Variants in ABCA13 observed in about 807,000 individuals in gnomAD.
ABCA13 encodes the protein ATP-binding cassette sub-family A member 13.
In ABCA13, 476 loss-of-function variants were observed where a neutral mutation model predicts 478.7. The observed-to-expected ratio is 0.99, with a 90% CI of 0.92 to 1.07. ABCA13 has a LOEUF of 1.07. Among genes scored for constraint, ABCA13 ranks in the 50% least tolerant of loss-of-function variants. ABCA13 has a pLI of 0.00. For synonymous variants in ABCA13, 2,252 were observed against 2,158.9 expected (o/e 1.04, Z -1.20); for missense variants, 6,060 against 5,910.6 (o/e 1.03, Z -0.83).
At position 48,198,245 on chromosome 7, in the gene ABCA13, C is replaced by A. The variant is rs937160757; in HGVS notation, c.172C>A (p.Gln58Lys). The A allele has an allele frequency of 6.9e-6, 11 of 1,583,132 alleles. No homozygotes were observed. The highest frequency in any genetic ancestry group is 9.4e-6 in the Non-Finnish European group (11 of 1,166,152). Residue 58 changes from glutamine (Q) to lysine (K), a missense_variant, in exon 3 of 62, where the codon CAG becomes AAG. Transcript: ENST00000435803. ...TTTGCATCTATTTCTAGGTTATTTG[C>A]AGCCCCGAGATCTACCCAGCTGTGG... ...PPRYRDICYL[Q>K]PRDLPSCGVI...
chr7:48,232,164 T>TTTTTTTTTTTTG (rs1554360466), intron 7 of ABCA13, among the ~76,000 whole-genome samples: 1 of 132,830 alleles, frequency 7.5e-6, no homozygotes, highest in Non-Finnish European at 1.6e-5. Flanking sequence ...TTTTTTTTTT[T>TTTTTTTTTTTTG]AGCTTTCTGT....
At chr7:48,243,117 C>G (rs1251084533) in intron 10 of ABCA13, 1 of 152,278 alleles carries the variant, frequency 6.6e-6, no homozygotes, top group Non-Finnish European at 1.5e-5. Context: ...CTGCGCCTTC[C>G]AGCAAGGACT....
intron 1 of ABCA13, among the ~76,000 whole-genome samples, chr7:48,189,539 G>A (rs1327853117): frequency 6.6e-6 from 1 of 152,136 alleles, no homozygotes; most frequent in Non-Finnish European, 1.5e-5. Flanking sequence ...GGTTTAATTG[G>A]AATTCTGTTA....
intron 1 of ABCA13, among the ~76,000 whole-genome samples, chr7:48,191,022 T>G (rs1414197481): frequency 1.3e-5 from 2 of 152,120 alleles, no homozygotes; most frequent in Non-Finnish European, 2.9e-5. Flanking sequence ...CCAAGAAAAT[T>G]ATGTGTTTAT....
At chr7:48,563,919 A>T (rs181359127) in intron 55 of ABCA13, among the ~76,000 whole-genome samples, 102 of 152,134 alleles carry the variant, frequency 6.7e-4, no homozygotes, top group Admixed American at 1.1e-3. Context: ...CTCTACAAAT[A>T]TAACTCTATA....
At chr7:48,201,141 T>C (rs1283427879) in intron 3 of ABCA13, among the ~76,000 whole-genome samples, 3 of 152,192 alleles carry the variant, frequency 2.0e-5, no homozygotes, top group Non-Finnish European at 4.4e-5. Flanking sequence ...AGGAAAAGGA[T>C]TAATCAGTGA....
intron 58 of ABCA13, among the ~76,000 whole-genome samples, chr7:48,602,740 GT>G (rs145107586): frequency 1.9e-4 from 29 of 149,778 alleles, no homozygotes; most frequent in South Asian, 2.1e-4. Flanking sequence ...ATTTAAAGTG[GT>G]TTTTTTTTTC....
chr7:48,580,584 T>C (rs986426248), intron 56 of ABCA13, among the ~76,000 whole-genome samples: 2 of 152,230 alleles, frequency 1.3e-5, no homozygotes, highest in African/African-American at 4.8e-5. Flanking sequence ...AAAAGGTATC[T>C]GTGTGAGGCA....
At chr7:48,618,380 C>A (rs1044640637) in intron 59 of ABCA13, among the ~76,000 whole-genome samples, 6 of 152,206 alleles carry the variant, frequency 3.9e-5, no homozygotes, top group African/African-American at 1.2e-4. Context: ...AGCATTAACA[C>A]CCCAGCATCC....
rs1243381869 is a variant in ABCA13 at position 48,389,065 on chromosome 7, A to T, written c.11499A>T (p.Gly3833=). The T allele has an allele frequency of 1.1e-5, 17 of 1,613,782 alleles. No individual in the cohort carries two copies. The highest frequency in any genetic ancestry group is 1.4e-5 in the Non-Finnish European group (17 of 1,179,838). Residue 3833 remains glycine, a synonymous_variant, in exon 37 of 62, where the codon GGA becomes GGT. Coordinates refer to ENST00000435803, the MANE Select transcript of ABCA13 (RefSeq NM_152701.5). ...GGTCATCACTGCAAAACAGGGAAGGAGAGCTTGAAGGAAGTGCCCCGGGAG... is the reference window on the plus strand; with the variant it reads ...GGTCATCACTGCAAAACAGGGAAGGTGAGCTTGAAGGAAGTGCCCCGGGAG... ...NKGSSLQNRE[G]ELEGSAPGVT...
intron 55 of ABCA13, among the ~76,000 whole-genome samples, chr7:48,535,068 G>C (rs1260713758): frequency 6.6e-6 from 1 of 152,102 alleles, no homozygotes; most frequent in African/African-American, 2.4e-5. Flanking sequence ...GATCTTTTAG[G>C]GGTGTTAAAG....
At chr7:48,264,192 A>C (rs1264298601) in intron 15 of ABCA13, among the ~76,000 whole-genome samples, 3 of 151,926 alleles carry the variant, frequency 2.0e-5, no homozygotes, top group Non-Finnish European at 4.4e-5. Flanking sequence ...TTGTCAATCC[A>C]TTCACACAAT....
intron 58 of ABCA13, among the ~76,000 whole-genome samples, chr7:48,604,780 C>T (rs1791296098): frequency 6.6e-6 from 1 of 152,084 alleles, no homozygotes; most frequent in Admixed American, 6.6e-5. Context: ...CCTGGATATC[C>T]TTGTTAATTT....
intron 59 of ABCA13, among the ~76,000 whole-genome samples, chr7:48,642,390 A>G (rs1356032145): frequency 2.6e-5 from 4 of 152,190 alleles, no homozygotes; most frequent in African/African-American, 9.7e-5. Flanking sequence ...TGTAAATGAG[A>G]TGAGTATGAT....
intron 4 of ABCA13, among the ~76,000 whole-genome samples, 152 bp from the exon 5 acceptor site, chr7:48,221,129 G>A (rs1787302176): frequency 6.6e-6 from 1 of 152,194 alleles, no homozygotes; most frequent in Admixed American, 6.5e-5. Context: ...TAAATCTTAT[G>A]AAGATAGATT....
intron 43 of ABCA13, among the ~76,000 whole-genome samples, chr7:48,460,725 T>C (rs1826155397): frequency 6.6e-6 from 1 of 152,244 alleles, no homozygotes; most frequent in Non-Finnish European, 1.5e-5. Flanking sequence ...GCCACTTGCC[T>C]ACAGTAGAAT....
At chr7:48,322,384 T>C (rs1382297998) in intron 27 of ABCA13, among the ~76,000 whole-genome samples, 1 of 152,206 alleles carries the variant, frequency 6.6e-6, no homozygotes, top group African/African-American at 2.4e-5. Context: ...GGAATTTAAA[T>C]GCCATACTTC....
At chr7:48,339,640 A>G (rs1436455837) in intron 29 of ABCA13, among the ~76,000 whole-genome samples, 1 of 152,194 alleles carries the variant, frequency 6.6e-6, no homozygotes, top group Non-Finnish European at 1.5e-5. Flanking sequence ...ATTAAGAGAA[A>G]GTTCCCCAGA....
intron 48 of ABCA13, 132 bp downstream of exon 48, chr7:48,489,476 G>A (rs371754198): frequency 3.3e-5 from 23 of 699,352 alleles, no homozygotes; most frequent in African/African-American, 2.5e-4. Context: ...CAACCAATCC[G>A]TGTCTAAACA....
Sources: allele counts gnomAD v4.1 joint callset (sites outside exome capture counted in the v4.1 genomes callset), GRCh38; gene constraint gnomAD v4.1.1; transcripts MANE v1.5; gene names NCBI Gene and HGNC (gene_info 2026-07-23, HGNC 2026-07-21).